Variants in TEAD4 observed in about 807,000 individuals in gnomAD.
TEAD4 encodes the protein transcriptional enhancer factor TEF-3.
In TEAD4, 36 loss-of-function variants were observed where a neutral mutation model predicts 52.4. The ratio of observed to expected loss-of-function variants is 0.69; its 90% CI spans 0.53 to 0.91. TEAD4 has a LOEUF of 0.91. Among genes scored for constraint, TEAD4 ranks in the 40% least tolerant of loss-of-function variants. TEAD4 has a pLI of 0.00. For missense variants in TEAD4, 508 were observed against 583.9 expected, an observed-to-expected ratio of 0.87 and a Z score of 1.34; for synonymous variants, 220 against 231.0, an observed-to-expected ratio of 0.95 and a Z score of 0.43.
At chr12:3,027,877 G>A (rs545724326) in intron 10 of TEAD4, among the ~76,000 whole-genome samples, 91 of 152,236 alleles carry the variant, frequency 6.0e-4, no homozygotes, top group African/African-American at 2.1e-3. Flanking sequence ...AAAAAATAAA[G>A]TATACAATTC....
At chr12:2,971,521 G>T (rs1217561673) in intron 2 of TEAD4, among the ~76,000 whole-genome samples, 1 of 151,822 alleles carries the variant, frequency 6.6e-6, no homozygotes, top group Non-Finnish European at 1.5e-5. Flanking sequence ...TGTCGCCCAG[G>T]CTGGAGTGCT....
At chr12:3,034,263 G>A (rs377460266) in intron 10 of TEAD4, among the ~76,000 whole-genome samples, 4 of 152,228 alleles carry the variant, frequency 2.6e-5, no homozygotes, top group Admixed American at 1.3e-4. Flanking sequence ...GAGCTGGGGC[G>A]CAGAACTCTC....
At chr12:2,990,461 CTTTTTTTT>C (rs71057876) in intron 2 of TEAD4, among the ~76,000 whole-genome samples, 12 of 67,038 alleles carry the variant, frequency 1.8e-4, no homozygotes, top group Admixed American at 5.1e-4. Flanking sequence ...GACAGATAAT[CTTTTTTTT>C]TTTTTTTTTT....
intron 5 of TEAD4, among the ~76,000 whole-genome samples, chr12:3,014,924 T>C (rs765191552): frequency 6.6e-6 from 1 of 152,116 alleles, no homozygotes; most frequent in Non-Finnish European, 1.5e-5. Context: ...CTCGCAAGGG[T>C]GCGCCTGCCA....
chr12:2,979,208 G>A (rs745769858), intron 2 of TEAD4, among the ~76,000 whole-genome samples: 2 of 152,104 alleles, frequency 1.3e-5, no homozygotes, highest in Non-Finnish European at 2.9e-5. Flanking sequence ...GAGCCACCGC[G>A]CCCGGTCTCA....
chr12:2,985,609 G>A (rs1199430315), intron 2 of TEAD4, among the ~76,000 whole-genome samples: 6 of 143,530 alleles, frequency 4.2e-5, no homozygotes, highest in East Asian at 4.5e-4. Context: ...GGGTTTAAGC[G>A]GTTCTCCTGC....
In TEAD4 at chr12:2,992,687, G is replaced by A. The variant is rs376019904; in HGVS notation, c.-29-2051G>A. Among the ~76,000 whole-genome samples, 316 of 152,198 alleles carry A rather than the reference G, an allele frequency of 2.1e-3. 1 individual carries two copies. Among genetic ancestry groups the A allele is most frequent in the African/African-American group, 6.6e-3 (273 of 41,536 alleles). ...TCAAGGCTAGTGGGGGAGAAGGGAC[G>A]GGCAATGTGTGTGACGCGGTGAGGT... is the stretch of plus-strand genomic sequence containing the variant. On this transcript the variant is annotated intron_variant, in intron 2 of 12. Coordinates refer to ENST00000359864, the MANE Select transcript of TEAD4 (RefSeq NM_003213.4).
intron 5 of TEAD4, among the ~76,000 whole-genome samples, chr12:3,013,346 G>A (rs936634134): frequency 6.6e-6 from 1 of 150,860 alleles, no homozygotes; most frequent in Non-Finnish European, 1.5e-5. Flanking sequence ...CAGAGGAGCC[G>A]TTCTGGTCAA....
At chr12:3,005,300 T>TTTTGTTTG (rs60707278) in intron 3 of TEAD4, among the ~76,000 whole-genome samples, 28,998 of 151,506 alleles carry the variant, frequency 0.19, 3,680 homozygotes, top group African/African-American at 0.36. Flanking sequence ...TGTTTTTCCG[T>TTTTGTTTG]TTTGTTTGTT....
chr12:2,962,345 TA>T (rs1200740374), intron 2 of TEAD4, among the ~76,000 whole-genome samples: 73 of 22,992 alleles, frequency 3.2e-3, no homozygotes, highest in African/African-American at 5.4e-3. Context: ...TATATATATA[TA>T]TTTTTTGAGA....
At chr12:2,989,204 A>T (rs2153954892) in intron 2 of TEAD4, among the ~76,000 whole-genome samples, 1 of 152,256 alleles carries the variant, frequency 6.6e-6, no homozygotes, top group Middle Eastern at 3.4e-3. Flanking sequence ...GGCCTCCCAA[A>T]GTGCTGAGAT....
intron 10 of TEAD4, among the ~76,000 whole-genome samples, chr12:3,032,214 AG>A (rs1433979123): frequency 6.6e-6 from 1 of 152,160 alleles, no homozygotes; most frequent in African/African-American, 2.4e-5. Flanking sequence ...TCTGACTCTT[AG>A]GGGAGTTTGG....
intron 2 of TEAD4, among the ~76,000 whole-genome samples, chr12:2,962,337 TA>T (rs1298527964): frequency 4.9e-4 from 55 of 112,568 alleles, no homozygotes; most frequent in African/African-American, 1.8e-3. Flanking sequence ...AATATAAATA[TA>T]TATATATATT....
intron 5 of TEAD4, among the ~76,000 whole-genome samples, chr12:3,016,481 C>T (rs968032682): frequency 2.0e-5 from 3 of 151,892 alleles, no homozygotes; most frequent in African/African-American, 7.3e-5. Flanking sequence ...AACGCATGCC[C>T]GTGGTCCCAG....
intron 5 of TEAD4, among the ~76,000 whole-genome samples, chr12:3,014,822 C>A (rs370349697): frequency 3.5e-4 from 54 of 152,306 alleles, no homozygotes; most frequent in African/African-American, 1.3e-3. Context: ...GAGCCCCAGC[C>A]GTTTGTTTAG....
chr12:3,024,026 C>G (rs980918019), intron 10 of TEAD4, among the ~76,000 whole-genome samples: 1 of 152,064 alleles, frequency 6.6e-6, no homozygotes, highest in Non-Finnish European at 1.5e-5. Context: ...TCCCCCTCAT[C>G]ATCCCAATGT....
Position 2,968,385 on chromosome 12 carries a change from C to CTTTTTTTTTTTTTT in TEAD4, c.-30+8359_-30+8372dup, listed in dbSNP as rs61672018. Among the ~76,000 whole-genome samples the CTTTTTTTTTTTTTT allele has an allele frequency of 9.1e-5, 5 of 55,064 alleles. 2 individuals carry two copies. The highest frequency in any genetic ancestry group is 2.0e-4 in the African/African-American group (3 of 15,058). 36.1% of individuals were successfully genotyped at this position (55,064 alleles called of 152,430 possible). On this transcript the variant is annotated intron_variant, in intron 2 of 12. Transcript: ENST00000359864. ...ACAGGTGTGAGCCACCGCGCCCGGC[C>CTTTTTTTTTTTTTT]TTTTTTTTTTTTTTTTTTTTTTTTT...
rs758940368 is a variant in TEAD4 at position 3,040,250 on chromosome 12, C to T, written c.1182C>T (p.Thr394=). Residue 394 remains threonine (T), a synonymous_variant, in exon 12 of 13, where the codon ACC becomes ACT. Coordinates refer to ENST00000359864, the MANE Select transcript of TEAD4 (RefSeq NM_003213.4). ...TGAACAGCGTGCTGGAGAACTTCAC[C>T]ATCCTGCAGGTGTGCGGCGGGTGCT... The T allele has an allele frequency of 2.5e-6, 4 of 1,614,214 alleles. No individual in the cohort carries two copies. The highest frequency in any genetic ancestry group is 3.3e-5 in the Admixed American group (2 of 60,024).
At chr12:2,998,704 A>G (rs1193253606) in intron 3 of TEAD4, among the ~76,000 whole-genome samples, 1 of 152,026 alleles carries the variant, frequency 6.6e-6, no homozygotes, top group Non-Finnish European at 1.5e-5. Context: ...CAGAAATGGA[A>G]ATTCAGGGAA....
Sources: gnomAD v4.1 joint callset for allele counts (sites outside exome capture counted in the v4.1 genomes callset) on GRCh38, gnomAD v4.1.1 for gene constraint, MANE v1.5 for transcripts, NCBI Gene and HGNC (gene_info 2026-07-23, HGNC 2026-07-21) for gene names.